Variants in SLC4A7 observed in about 807,000 individuals in gnomAD.
SLC4A7 encodes sodium bicarbonate cotransporter 3.
A neutral mutation model predicts 137.6 loss-of-function variants in SLC4A7; 51 were observed. That is an observed-to-expected ratio of 0.37 (90% CI 0.30 to 0.47). The LOEUF (loss-of-function observed/expected upper bound fraction) is 0.47. Ranked by LOEUF, SLC4A7 falls within the 20% of genes least tolerant of loss-of-function variation. The pLI is 1.00. For missense variants in SLC4A7, 1,247 were observed against 1,525.4 expected, an observed-to-expected ratio of 0.82 and a Z score of 3.04; for synonymous variants, 542 against 518.6, an observed-to-expected ratio of 1.05 and a Z score of -0.61.
intron 3 of SLC4A7, among the ~76,000 whole-genome samples, chr3:27,445,789 G>A (rs975277608): frequency 7.6e-5 from 11 of 145,034 alleles, no homozygotes; most frequent in Admixed American, 2.8e-4. Flanking sequence ...AAAATTAGCC[G>A]TGCGTGGTGG....
intron 7 of SLC4A7, among the ~76,000 whole-genome samples, chr3:27,426,114 G>A (rs1040861450): frequency 8.5e-5 from 13 of 152,288 alleles, no homozygotes; most frequent in Admixed American, 7.2e-4. Context: ...CTGGGTTTAC[G>A]GCTTACGCTT....
At position 27,421,804 on chromosome 3, in the gene SLC4A7, A is replaced by C. The variant is rs763297814; in HGVS notation, c.1267-25T>G. ...CCTATTGACAAATAAATAATTAAAA[A>C]TAAAGTTTCCGTGGTATTTGTAAGA... On this transcript the variant is annotated intron_variant, in intron 8 of 25. Coordinates refer to ENST00000454389, the MANE Select transcript of SLC4A7 (RefSeq NM_001321103.2). The C allele has an allele frequency of 4.6e-5, 72 of 1,579,216 alleles. No individual in the cohort carries two copies. The South Asian group carries it at 7.8e-4, about 17-fold the overall frequency.
chr3:27,398,485 A>G, intron 16 of SLC4A7, 132 bp from the exon 17 acceptor site: 1 of 678,650 alleles, frequency 1.5e-6, no homozygotes, highest in Non-Finnish European at 2.3e-6. Context: ...TTATAAAGAA[A>G]AAACATTGTC....
intron 1 of SLC4A7, among the ~76,000 whole-genome samples, chr3:27,467,731 T>C (rs1055001083): frequency 9.2e-5 from 14 of 152,176 alleles, no homozygotes; most frequent in African/African-American, 3.1e-4. Flanking sequence ...CACTAAAATT[T>C]AGGCTTCACC....
intron 3 of SLC4A7, among the ~76,000 whole-genome samples, chr3:27,438,935 C>T (rs960225263): frequency 2.0e-5 from 3 of 152,136 alleles, no homozygotes; most frequent in Non-Finnish European, 4.4e-5. Flanking sequence ...CCACTCATGG[C>T]GTCTGAAATT....
At chr3:27,465,249 A>G (rs564643719) in intron 1 of SLC4A7, among the ~76,000 whole-genome samples, 3 of 144,494 alleles carry the variant, frequency 2.1e-5, no homozygotes, top group East Asian at 4.2e-4. Context: ...AGATGGCACC[A>G]CTGCACTCCA....
At chr3:27,424,732 A>G (rs1353960453) in intron 7 of SLC4A7, among the ~76,000 whole-genome samples, 1 of 152,228 alleles carries the variant, frequency 6.6e-6, no homozygotes, top group Non-Finnish European at 1.5e-5. Context: ...ATCCAACTTT[A>G]AAATATAACA....
intron 1 of SLC4A7, among the ~76,000 whole-genome samples, chr3:27,470,343 T>C (rs547353818): frequency 6.6e-6 from 1 of 152,056 alleles, no homozygotes; most frequent in African/African-American, 2.4e-5. Flanking sequence ...TTTATTAATA[T>C]ACATGGAACA....
chr3:27,420,418 G>A (rs561295898), intron 10 of SLC4A7, among the ~76,000 whole-genome samples: 39 of 151,702 alleles, frequency 2.6e-4, no homozygotes, highest in Non-Finnish European at 3.8e-4. Flanking sequence ...CTGAAATCTA[G>A]GATAAAAAAA....
At chr3:27,435,651 G>C (rs976007780) in intron 5 of SLC4A7, among the ~76,000 whole-genome samples, 5 of 152,140 alleles carry the variant, frequency 3.3e-5, no homozygotes, top group Admixed American at 2.0e-4. Context: ...AACAGCATGG[G>C]CTACATGGCG....
At chr3:27,430,749 T>C (rs187315457) in intron 7 of SLC4A7, among the ~76,000 whole-genome samples, 4 of 151,430 alleles carry the variant, frequency 2.6e-5, no homozygotes, top group African/African-American at 9.7e-5. Context: ...TGAGAATCAC[T>C]TGAACCCAGG....
chr3:27,406,886 C>T (rs775613903), intron 13 of SLC4A7, among the ~76,000 whole-genome samples: 5 of 152,074 alleles, frequency 3.3e-5, no homozygotes, highest in Non-Finnish European at 7.4e-5. Context: ...CATGCCACTG[C>T]ACTCTAGCCT....
At chr3:27,401,248 T>G (rs2052715621) in intron 15 of SLC4A7, among the ~76,000 whole-genome samples, 1 of 152,052 alleles carries the variant, frequency 6.6e-6, no homozygotes, top group South Asian at 2.1e-4. Context: ...ACATATAGAT[T>G]CCCAATAAGT....
chr3:27,445,264 T>C (rs1051353104), intron 3 of SLC4A7, among the ~76,000 whole-genome samples: 1 of 152,148 alleles, frequency 6.6e-6, no homozygotes, highest in Non-Finnish European at 1.5e-5. Context: ...TCTTTGGAAC[T>C]CTGAGTACTC....
chr3:27,392,139 A>T (rs2051622670), intron 20 of SLC4A7, among the ~76,000 whole-genome samples: 1 of 152,178 alleles, frequency 6.6e-6, no homozygotes, highest in African/African-American at 2.4e-5. Context: ...TACATAAAAC[A>T]CTCAGAAAAG....
intron 1 of SLC4A7, among the ~76,000 whole-genome samples, chr3:27,478,833 CAA>C (rs558381804): frequency 5.8e-4 from 49 of 84,948 alleles, no homozygotes; most frequent in African/African-American, 1.4e-3. Flanking sequence ...ACTAAAAATA[CAA>C]AAAAAAAAAA....
intron 1 of SLC4A7, among the ~76,000 whole-genome samples, chr3:27,474,612 G>A (rs1279092119): frequency 1.3e-5 from 2 of 151,864 alleles, no homozygotes; most frequent in Non-Finnish European, 2.9e-5. Context: ...TCGGGAGGCT[G>A]AGGCAGGAGA....
chr3:27,377,737 A>G (rs2050036745), intron 25 of SLC4A7, among the ~76,000 whole-genome samples: 2 of 152,178 alleles, frequency 1.3e-5, no homozygotes, highest in South Asian at 4.1e-4. Flanking sequence ...GTGACTCCAC[A>G]TACATGGATT....
At chr3:27,429,361 G>C (rs2150357191) in intron 7 of SLC4A7, among the ~76,000 whole-genome samples, 1 of 151,856 alleles carries the variant, frequency 6.6e-6, no homozygotes, top group East Asian at 1.9e-4. Context: ...CTAACTACAG[G>C]AACTCTGGTC....
Sources: gnomAD v4.1 joint callset for allele counts (sites outside exome capture counted in the v4.1 genomes callset) on GRCh38, gnomAD v4.1.1 for gene constraint, MANE v1.5 for transcripts, NCBI Gene and HGNC (gene_info 2026-07-23, HGNC 2026-07-21) for gene names.